Variants in STIM2 observed in about 807,000 individuals in gnomAD.
STIM2 encodes stromal interaction molecule 2.
Under a neutral mutation model 85.8 loss-of-function variants are expected in STIM2, and 31 were observed. That is an observed-to-expected ratio of 0.36 (90% confidence interval 0.27 to 0.49). The LOEUF (loss-of-function observed/expected upper bound fraction) is 0.49, where lower values mean the gene tolerates loss of function less well. Ranked by LOEUF, STIM2 falls within the 20% of genes least tolerant of loss-of-function variation. The pLI, the probability that STIM2 is intolerant of heterozygous loss-of-function variation, is 0.98. For missense variants in STIM2, 841 were observed against 927.6 expected, an observed-to-expected ratio of 0.91 and a Z score of 1.21; for synonymous variants, 356 against 331.1, an observed-to-expected ratio of 1.08 and a Z score of -0.82.
intron 2 of STIM2, among the ~76,000 whole-genome samples, chr4:26,928,488 C>T (rs1411890645): frequency 1.3e-5 from 2 of 152,070 alleles, no homozygotes; most frequent in Non-Finnish European, 2.9e-5. Flanking sequence ...CTTAGAAGTA[C>T]AAGTTATTTT....
intron 10 of STIM2, 62 bp downstream of exon 10, chr4:27,009,064 C>A: frequency 7.0e-7 from 1 of 1,418,590 alleles, no homozygotes; most frequent in Non-Finnish European, 9.8e-7. Flanking sequence ...CTCCTATGTC[C>A]TTTTAGGAAT....
chr4:27,019,190 C>T (rs1728831774), intron 11 of STIM2, among the ~76,000 whole-genome samples: 1 of 152,160 alleles, frequency 6.6e-6, no homozygotes, highest in African/African-American at 2.4e-5. Context: ...CACTCTTTAT[C>T]ATGTGACTCT....
At chr4:26,960,782 A>G (rs1726425041) in intron 3 of STIM2, among the ~76,000 whole-genome samples, 1 of 152,160 alleles carries the variant, frequency 6.6e-6, no homozygotes, top group South Asian at 2.1e-4. Context: ...ATACTAGTAC[A>G]GGCCAGGCGC....
chr4:26,910,935 A>G (rs991087705), intron 1 of STIM2, among the ~76,000 whole-genome samples: 3 of 152,084 alleles, frequency 2.0e-5, no homozygotes, highest in East Asian at 1.9e-4. Context: ...TTTGTATGAT[A>G]GTCTGTTTAA....
chr4:26,976,723 C>A (rs866387580), intron 3 of STIM2, among the ~76,000 whole-genome samples: 1 of 151,924 alleles, frequency 6.6e-6, no homozygotes, highest in African/African-American at 2.4e-5. Context: ...AGGATTGTTT[C>A]AACCTGGGAT....
At position 26,938,481 on chromosome 4, in the gene STIM2, A is replaced by C. The variant is rs549125908; in HGVS notation, c.282+18847A>C. Among the ~76,000 whole-genome samples, 3 of 152,304 alleles carry C rather than the reference A, an allele frequency of 2.0e-5. No individual in the cohort carries two copies. In the South Asian group the frequency reaches 6.2e-4, roughly 32 times the overall value. ...TTTTACCACAAAAACAAAGGTAACC[A>C]AGTTTTCATAACTGAAGAATTTTAT... On this transcript the variant is annotated intron_variant, in intron 2 of 11. Coordinates refer to ENST00000467087, the MANE Select transcript of STIM2 (RefSeq NM_020860.4).
At chr4:26,899,179 T>C (rs1723827879) in intron 1 of STIM2, among the ~76,000 whole-genome samples, 1 of 152,136 alleles carries the variant, frequency 6.6e-6, no homozygotes, top group African/African-American at 2.4e-5. Flanking sequence ...GTTTTACGTC[T>C]ATTCCCATGA....
intron 5 of STIM2, among the ~76,000 whole-genome samples, chr4:27,000,335 C>A (rs1231997445): frequency 6.6e-6 from 1 of 152,112 alleles, no homozygotes; most frequent in Non-Finnish European, 1.5e-5. Context: ...TGGAAATGCA[C>A]TGTTGGTGGA....
At chr4:26,878,867 C>T (rs1013270724) in intron 1 of STIM2, among the ~76,000 whole-genome samples, 10 of 152,086 alleles carry the variant, frequency 6.6e-5, no homozygotes, top group South Asian at 2.1e-4. Flanking sequence ...TTAAAACTAT[C>T]GGCTCTCATG....
Position 27,002,314 on chromosome 4 carries a change from A to T in STIM2, c.723A>T (p.Ser241=), listed in dbSNP as rs1205718412. The change falls in exon 6 of 12, where the codon TCA becomes TCT. Residue 241 remains serine (S), a synonymous_variant. Transcript: ENST00000467087. Reference sequence around the variant, plus strand: ...TTGCTTATACGCAGAATAAGACATCAAAAGAACATGTTGCAAAAATGATGA... The same window carrying T: ...TTGCTTATACGCAGAATAAGACATCTAAAGAACATGTTGCAAAAATGATGA... 1.9e-6 allele frequency: 3 copies of T among 1,613,604 alleles called. No homozygotes were observed. The highest frequency in any genetic ancestry group is 1.3e-5 in the African/African-American group (1 of 74,904).
intron 3 of STIM2, among the ~76,000 whole-genome samples, chr4:26,960,996 C>T (rs1014856348): frequency 2.5e-4 from 37 of 149,902 alleles, no homozygotes; most frequent in Non-Finnish European, 4.9e-4. Context: ...CCTGGGAGTG[C>T]GCTACTGCAC....
At chr4:26,959,255 T>C (rs1336694977) in intron 3 of STIM2, among the ~76,000 whole-genome samples, 1 of 152,188 alleles carries the variant, frequency 6.6e-6, no homozygotes, top group Non-Finnish European at 1.5e-5. Context: ...TCTCTCTCGC[T>C]CACTGTGCTC....
At chr4:26,934,390 T>G (rs539793472) in intron 2 of STIM2, among the ~76,000 whole-genome samples, 2 of 152,182 alleles carry the variant, frequency 1.3e-5, no homozygotes, top group Non-Finnish European at 2.9e-5. Flanking sequence ...TCACACAGAT[T>G]TCATTCCATT....
intron 3 of STIM2, among the ~76,000 whole-genome samples, chr4:26,959,239 C>T (rs1324400404): frequency 1.3e-5 from 2 of 152,126 alleles, no homozygotes; most frequent in African/African-American, 2.4e-5. Context: ...TCTTCTATTC[C>T]ATGCATCTCT....
rs1722160265 is a variant in STIM2 at position 26,861,139 on chromosome 4, C to T, written c.-80C>T. On this transcript the variant is annotated 5_prime_UTR_variant, in exon 1 of 12. Transcript: ENST00000467087. ...GGGGCGCCGCTGCGCTTTCACCCGG[C>T]TTCTCCTCGGCGCCTTCATCCCGCC... 5 of 1,274,014 alleles carry T rather than the reference C, an allele frequency of 3.9e-6. No homozygotes were observed. Among genetic ancestry groups the T allele is most frequent in the Middle Eastern group, 3.1e-4 (1 of 3,264 alleles). The allele number at this position is 1,274,014 out of a possible 1,614,324, so 78.9% of individuals were successfully genotyped here. A position where few individuals can be genotyped will look rare whatever the true frequency, so the allele number is the denominator to read the frequency against.
At chr4:26,927,899 A>G (rs1054354990) in intron 2 of STIM2, among the ~76,000 whole-genome samples, 4 of 147,374 alleles carry the variant, frequency 2.7e-5, no homozygotes, top group African/African-American at 7.4e-5. Flanking sequence ...ATAAATATAT[A>G]TTAATATATT....
chr4:26,932,403 C>T (rs1247488367), intron 2 of STIM2, among the ~76,000 whole-genome samples: 1 of 152,010 alleles, frequency 6.6e-6, no homozygotes, highest in African/African-American at 2.4e-5. Context: ...ATAATTGCTA[C>T]CAAAATAACA....
chr4:26,866,637 T>G (rs759873074), intron 1 of STIM2, among the ~76,000 whole-genome samples: 30 of 152,124 alleles, frequency 2.0e-4, no homozygotes, highest in Non-Finnish European at 2.9e-4. Flanking sequence ...GGAAGAAGAT[T>G]GGGGCCAAAT....
At chr4:27,022,477 A>G (rs773871952) in intron 11 of STIM2, 42 bp from the exon 12 acceptor site, 2 of 1,489,340 alleles carry the variant, frequency 1.3e-6, no homozygotes, top group East Asian at 2.3e-5. Context: ...TCTTAAGAAC[A>G]TACTGATTTA....
Sources: gnomAD v4.1 joint callset for allele counts (sites outside exome capture counted in the v4.1 genomes callset) on GRCh38, gnomAD v4.1.1 for gene constraint, MANE v1.5 for transcripts, NCBI Gene and HGNC (gene_info 2026-07-23, HGNC 2026-07-21) for gene names.